Variants in WASHC4 observed in about 807,000 individuals in gnomAD.
WASHC4 encodes the protein WASH complex subunit 4.
In WASHC4, 86 loss-of-function variants were observed where a neutral mutation model predicts 166.6. The ratio of observed to expected loss-of-function variants is 0.52; its 90% CI spans 0.43 to 0.62. The LOEUF is 0.62. Ranked by LOEUF, WASHC4 falls within the 20% of genes least tolerant of loss-of-function variation. WASHC4 has a pLI of 0.00. For synonymous variants in WASHC4, 446 were observed against 451.6 expected (o/e 0.99, Z 0.16); for missense variants, 1,262 against 1,382.4 (o/e 0.91, Z 1.38).
At chr12:105,152,882 A>G (rs1419282076) in intron 26 of WASHC4, among the ~76,000 whole-genome samples, 1 of 152,182 alleles carries the variant, frequency 6.6e-6, no homozygotes, top group Non-Finnish European at 1.5e-5. Flanking sequence ...TGTGCATATA[A>G]TGTATTGTCC....
At chr12:105,115,303 A>T (rs886838759) in intron 5 of WASHC4, 74 bp downstream of exon 5, 7 of 917,062 alleles carry the variant, frequency 7.6e-6, no homozygotes, top group Non-Finnish European at 1.3e-5. Flanking sequence ...CAATTTTAGG[A>T]CTACTATGAT....
At position 105,126,436 on chromosome 12, in the gene WASHC4, G is replaced by A. The variant is rs1168376719; in HGVS notation, c.1038+74G>A. On this transcript the variant is annotated intron_variant, in intron 12 of 32. Transcript: ENST00000332180. ...CAGATAAAACTAAATATTTTAAAAT[G>A]CATTTTATTCCTGTTTACAAAAATA... 6.1e-6 allele frequency: 7 copies of A among 1,147,618 alleles called. No individual in the cohort carries two copies. The East Asian group carries it at 7.2e-5, about 12-fold the overall frequency. 71.1% of individuals were successfully genotyped at this position (1,147,618 alleles called of 1,614,324 possible).
At chr12:105,139,203 A>G (rs1017980425) in intron 15 of WASHC4, among the ~76,000 whole-genome samples, 1 of 150,792 alleles carries the variant, frequency 6.6e-6, no homozygotes, top group Non-Finnish European at 1.5e-5. Flanking sequence ...TAGCACATCT[A>G]TTTTCATTGT....
intron 6 of WASHC4, 37 bp downstream of exon 6, chr12:105,115,765 A>C (rs758381529): frequency 7.5e-7 from 1 of 1,333,656 alleles, no homozygotes; most frequent in South Asian, 1.2e-5. Flanking sequence ...CTTTTACTTC[A>C]AAAAGTTTGA....
intron 26 of WASHC4, among the ~76,000 whole-genome samples, chr12:105,154,027 T>C (rs1365834476): frequency 1.3e-5 from 2 of 150,316 alleles, no homozygotes; most frequent in African/African-American, 5.0e-5. Context: ...TTAGAAAATA[T>C]AAATTCTTTT....
chr12:105,152,902 T>TA (rs1359016411), intron 26 of WASHC4, among the ~76,000 whole-genome samples: 8 of 152,182 alleles, frequency 5.3e-5, no homozygotes, highest in African/African-American at 1.2e-4. Flanking sequence ...CTTCTGCCCT[T>TA]ACGAGTGGAA....
intron 9 of WASHC4, among the ~76,000 whole-genome samples, chr12:105,121,418 A>T (rs1012752531): frequency 6.6e-6 from 1 of 152,232 alleles, no homozygotes; most frequent in African/African-American, 2.4e-5. Flanking sequence ...TGTATAAAGC[A>T]TCCTAATTCT....
intron 10 of WASHC4, among the ~76,000 whole-genome samples, chr12:105,125,367 A>G (rs139737929): frequency 2.1e-4 from 28 of 132,646 alleles, no homozygotes; most frequent in African/African-American, 6.8e-4. Context: ...ATGAATGCAT[A>G]AAATATATGT....
At chr12:105,122,354 C>T (rs1880842775) in intron 10 of WASHC4, 116 bp downstream of exon 10, 3 of 1,117,708 alleles carry the variant, frequency 2.7e-6, no homozygotes, top group African/African-American at 3.2e-5. Context: ...TTAAAAAGTG[C>T]TTTGGCTTAA....
At chr12:105,114,178 C>G in intron 2 of WASHC4, 38 bp from the exon 3 acceptor site, 1 of 1,579,256 alleles carries the variant, frequency 6.3e-7, no homozygotes, top group Non-Finnish European at 8.7e-7. Context: ...AGTTATTTTT[C>G]AAATTAAAAG....
At chr12:105,133,293 T>G (rs1464898279) in intron 13 of WASHC4, among the ~76,000 whole-genome samples, 2 of 152,154 alleles carry the variant, frequency 1.3e-5, no homozygotes, top group African/African-American at 2.4e-5. Context: ...TTTCTGCACT[T>G]CTCGTATATT....
At chr12:105,147,802 G>A (rs866006428) in intron 24 of WASHC4, 34 of 450,766 alleles carry the variant, frequency 7.5e-5, no homozygotes, top group African/African-American at 7.1e-4. Flanking sequence ...CTGCTTGGGA[G>A]GCTGAGGCAG....
chr12:105,160,920 C>T (rs1189435926), intron 29 of WASHC4, among the ~76,000 whole-genome samples: 2 of 152,062 alleles, frequency 1.3e-5, no homozygotes, highest in Non-Finnish European at 2.9e-5. Flanking sequence ...GTAACGTGTT[C>T]TTGCTCTAAC....
At chr12:105,113,369 A>G (rs992334024) in intron 2 of WASHC4, among the ~76,000 whole-genome samples, 1 of 152,000 alleles carries the variant, frequency 6.6e-6, no homozygotes, top group Non-Finnish European at 1.5e-5. Context: ...CAGATTTTAT[A>G]AAAGGGTGAA....
intron 27 of WASHC4, 91 bp downstream of exon 27, chr12:105,156,883 GTGTT>G (rs1884196265): frequency 5.3e-6 from 5 of 939,800 alleles, no homozygotes; most frequent in South Asian, 5.2e-5. Context: ...TGTAGATAAG[GTGTT>G]TGTTCTTGAT....
At chr12:105,159,952 A>C in intron 28 of WASHC4, 49 bp from the exon 29 acceptor site, 1 of 1,576,928 alleles carries the variant, frequency 6.3e-7, no homozygotes, top group Non-Finnish European at 8.7e-7. Flanking sequence ...ATTTTTTTCA[A>C]AGCCACGCTT....
At chr12:105,133,363 C>T (rs1446006634) in intron 13 of WASHC4, among the ~76,000 whole-genome samples, 2 of 152,158 alleles carry the variant, frequency 1.3e-5, no homozygotes, top group Non-Finnish European at 2.9e-5. Flanking sequence ...ACTCAATGAG[C>T]CTACTTTGAT....
Position 105,166,929 on chromosome 12 carries a change from TG to T in WASHC4, c.3521del (p.Ter1174TyrfsTer39). On this transcript the variant is annotated frameshift_variant and stop_lost, in exon 33 of 33. Transcript: ENST00000332180. LOFTEE classifies it high-confidence loss of function. ...TGTGTCTGCTGATCCTGTTGTGAAA[TG>T]ATACGGATGGTATTCACTGCACATA... is the stretch of plus-strand genomic sequence containing the variant. ...STVSADPVVK[*>X] is the part of the protein sequence containing the mutation. 1 of 1,592,762 alleles carries T rather than the reference TG, an allele frequency of 6.3e-7. No homozygotes were observed. The highest frequency in any genetic ancestry group is 8.6e-7 in the Non-Finnish European group (1 of 1,164,686).
intron 22 of WASHC4, among the ~76,000 whole-genome samples, chr12:105,146,116 C>T (rs1457496779): frequency 6.6e-6 from 1 of 152,064 alleles, no homozygotes; most frequent in African/African-American, 2.4e-5. Context: ...TAGAATCTGG[C>T]TACTAGTTTA....
Sources: gnomAD v4.1 joint callset for allele counts (sites outside exome capture counted in the v4.1 genomes callset) on GRCh38, gnomAD v4.1.1 for gene constraint, MANE v1.5 for transcripts, NCBI Gene and HGNC (gene_info 2026-07-23, HGNC 2026-07-21) for gene names.